CEP128: variants seen among roughly 807,000 people sequenced by gnomAD.
CEP128 encodes the protein centrosomal protein 128kDa.
In CEP128, 132 loss-of-function variants were observed where a neutral mutation model predicts 156.7. The ratio of observed to expected loss-of-function variants is 0.84; its 90% CI spans 0.73 to 0.97. CEP128 has a LOEUF of 0.97. Among genes scored for constraint, CEP128 ranks in the 50% least tolerant of loss-of-function variants. The probability of loss-of-function intolerance (pLI) is 0.00; values close to 1 mark genes in which losing one functional copy is unlikely to be tolerated. For missense variants in CEP128, 1,252 were observed against 1,281.9 expected (o/e 0.98, Z 0.36); for synonymous variants, 469 against 448.9 (o/e 1.04, Z -0.57).
At chr14:80,867,885 TAA>T (rs1887842987) in intron 8 of CEP128, among the ~76,000 whole-genome samples, 2 of 151,996 alleles carry the variant, frequency 1.3e-5, no homozygotes, top group African/African-American at 4.8e-5. Context: ...AGATTAAATA[TAA>T]AGAGATCTTA....
intron 19 of CEP128, among the ~76,000 whole-genome samples, chr14:80,615,954 A>G (rs1893194177): frequency 6.6e-6 from 1 of 152,246 alleles, no homozygotes; most frequent in Non-Finnish European, 1.5e-5. Flanking sequence ...GTCTCGATTT[A>G]TATCAGCACA....
chr14:80,718,660 A>G (rs1897699708), intron 19 of CEP128, among the ~76,000 whole-genome samples: 2 of 152,292 alleles, frequency 1.3e-5, no homozygotes, highest in East Asian at 3.9e-4. Context: ...TTAATTTATC[A>G]CAGGAAAACA....
chr14:80,612,272 C>T (rs555987367), intron 19 of CEP128, among the ~76,000 whole-genome samples: 4 of 151,958 alleles, frequency 2.6e-5, no homozygotes, highest in East Asian at 1.9e-4. Flanking sequence ...AAAATCATCT[C>T]AGAAATCTCA....
At chr14:80,527,428 C>CT (rs202137957) in intron 22 of CEP128, among the ~76,000 whole-genome samples, 2,516 of 132,852 alleles carry the variant, frequency 0.019, 35 homozygotes, top group Admixed American at 0.05. Flanking sequence ...AAGGCTCTGT[C>CT]TAAAAAAAAA....
intron 16 of CEP128, among the ~76,000 whole-genome samples, chr14:80,776,149 T>C (rs1900778399): frequency 1.3e-5 from 2 of 151,966 alleles, no homozygotes; most frequent in Admixed American, 6.5e-5. Flanking sequence ...TTTCAACATA[T>C]CAAATTTTTC....
chr14:80,951,337 G>A (rs575642194), intron 2 of CEP128, among the ~76,000 whole-genome samples: 1 of 152,238 alleles, frequency 6.6e-6, no homozygotes, highest in Admixed American at 6.5e-5. Context: ...GGCGATGGAA[G>A]CATAAAGGTT....
chr14:80,684,457 A>T (rs1216363487), intron 19 of CEP128, among the ~76,000 whole-genome samples: 2 of 152,036 alleles, frequency 1.3e-5, no homozygotes, highest in Non-Finnish European at 2.9e-5. Context: ...GTAATGAAAA[A>T]TCTACCAACC....
At chr14:80,482,553 C>A (rs1887077011) in intron 14 of CEP128, among the ~76,000 whole-genome samples, 1 of 152,214 alleles carries the variant, frequency 6.6e-6, no homozygotes, top group Non-Finnish European at 1.5e-5. Context: ...TACTAAAAAA[C>A]TGGCACCATC....
chr14:80,919,095 T>C (rs1274042059), intron 2 of CEP128, among the ~76,000 whole-genome samples: 3 of 152,180 alleles, frequency 2.0e-5, no homozygotes, highest in Non-Finnish European at 4.4e-5. Context: ...AAAAAGTTAA[T>C]ATTGAAAAAG....
chr14:80,908,931 C>G (rs780194054), intron 4 of CEP128, among the ~76,000 whole-genome samples: 24 of 152,234 alleles, frequency 1.6e-4, no homozygotes, highest in Non-Finnish European at 2.4e-4. Flanking sequence ...TCCAATTCAC[C>G]ACTTTGCCTA....
intron 16 of CEP128, among the ~76,000 whole-genome samples, chr14:80,772,114 G>T (rs1255848627): frequency 6.6e-6 from 1 of 152,154 alleles, no homozygotes; most frequent in Non-Finnish European, 1.5e-5. Context: ...AGGGGCAGCT[G>T]CCCACAAAGG....
At chr14:80,519,637 A>G (rs546138337) in intron 23 of CEP128, among the ~76,000 whole-genome samples, 3 of 152,170 alleles carry the variant, frequency 2.0e-5, no homozygotes, top group Non-Finnish European at 4.4e-5. Context: ...AAACTGCTTT[A>G]TTCCTATCTG....
At chr14:80,538,823 C>G (rs1323430679) in intron 21 of CEP128, among the ~76,000 whole-genome samples, 1 of 152,146 alleles carries the variant, frequency 6.6e-6, no homozygotes, top group Admixed American at 6.5e-5. Context: ...GGGAAGGCTC[C>G]CCGGCTTTCT....
intron 19 of CEP128, among the ~76,000 whole-genome samples, chr14:80,596,841 A>AG (rs1892343142): frequency 9.0e-6 from 1 of 111,028 alleles, no homozygotes; most frequent in Non-Finnish European, 1.8e-5. Context: ...AAAAAAAAAA[A>AG]AGGTGGGGGG....
rs1219483907 is a variant in CEP128 at position 80,649,520 on chromosome 14, T to C, written c.2807-69097A>G. Among the ~76,000 whole-genome samples, 4 of 152,172 alleles carry C rather than the reference T, an allele frequency of 2.6e-5. 1 individual carries two copies. Among genetic ancestry groups the C allele is most frequent in the African/African-American group, 7.2e-5 (3 of 41,544 alleles). On this transcript the variant is annotated intron_variant, in intron 19 of 24. Transcript: ENST00000555265. The stretch of plus-strand genomic sequence containing the variant: ...GTCCCTGGAACAGCATTAAGAAACA[T>C]GATGCCAGAGCATGACGTTCAGGTC...
intron 13 of CEP128, among the ~76,000 whole-genome samples, chr14:80,819,408 G>A (rs766636566): frequency 1.3e-5 from 2 of 151,814 alleles, no homozygotes; most frequent in African/African-American, 4.8e-5. Context: ...CACCACGCCC[G>A]GCTAATTTTT....
At chr14:80,774,119 T>C (rs576141915) in intron 16 of CEP128, among the ~76,000 whole-genome samples, 19 of 152,230 alleles carry the variant, frequency 1.2e-4, no homozygotes, top group Non-Finnish European at 2.1e-4. Flanking sequence ...AGTCAGTTAT[T>C]CTGTGGATAT....
intron 21 of CEP128, among the ~76,000 whole-genome samples, chr14:80,545,063 T>C (rs1385788840): frequency 6.6e-6 from 1 of 152,186 alleles, no homozygotes; most frequent in African/African-American, 2.4e-5. Context: ...TCTCAACCTT[T>C]TACCATCATT....
At chr14:80,836,159 G>T (rs1430660886) in intron 12 of CEP128, 46 bp downstream of exon 12, 1 of 1,585,250 alleles carries the variant, frequency 6.3e-7, no homozygotes, top group Non-Finnish European at 8.6e-7. Flanking sequence ...AAACCAAAAA[G>T]CCCCCACACA....
Sources: gnomAD v4.1 joint callset for allele counts (sites outside exome capture counted in the v4.1 genomes callset) on GRCh38, gnomAD v4.1.1 for gene constraint, MANE v1.5 for transcripts, NCBI Gene and HGNC (gene_info 2026-07-23, HGNC 2026-07-21) for gene names.